Variants in FSTL5 observed in about 807,000 individuals in gnomAD.
FSTL5 encodes follistatin-related protein 5.
Under a neutral mutation model 89.1 loss-of-function variants are expected in FSTL5, and 62 were observed. The observed-to-expected ratio is 0.70, with a 90% CI of 0.57 to 0.86. The LOEUF is 0.86. Among genes scored for constraint, FSTL5 ranks in the 40% least tolerant of loss-of-function variants. The pLI is 0.00. For synonymous variants in FSTL5, 383 were observed against 346.2 expected (o/e 1.11, Z -1.18); for missense variants, 1,057 against 1,001.6 (o/e 1.06, Z -0.75).
At chr4:161,983,949 A>G (rs1735894771) in intron 3 of FSTL5, among the ~76,000 whole-genome samples, 1 of 152,102 alleles carries the variant, frequency 6.6e-6, no homozygotes, top group African/African-American at 2.4e-5. Context: ...GAAATACACA[A>G]TATCGGTAAA....
At chr4:162,101,291 A>T (rs1470513364) in intron 2 of FSTL5, among the ~76,000 whole-genome samples, 1 of 152,248 alleles carries the variant, frequency 6.6e-6, no homozygotes, top group Non-Finnish European at 1.5e-5. Flanking sequence ...CTTCAACAGC[A>T]GTCAGGGTAA....
rs139817983 is a variant in FSTL5, at chr4:161,997,847, G to A, written c.160+35778C>T. Among the ~76,000 whole-genome samples, 435 of 151,830 alleles carry A rather than the reference G, an allele frequency of 2.9e-3. 4 individuals carry two copies. In the East Asian group the frequency reaches 0.032, roughly 11 times the overall value. On this transcript the variant is annotated intron_variant, in intron 3 of 15. Transcript: ENST00000306100. ...TCTCGATCTCCTGACCTCGTGATCC[G>A]CCCACCTCGGCCTCCCAAAGTGCTG...
At chr4:161,646,929 T>C (rs1578993042) in intron 7 of FSTL5, among the ~76,000 whole-genome samples, 1 of 152,158 alleles carries the variant, frequency 6.6e-6, no homozygotes, top group East Asian at 1.9e-4. Context: ...AGTTTGCAAA[T>C]ATTTTCTCTA....
chr4:161,986,943 G>A (rs1190859102), intron 3 of FSTL5, among the ~76,000 whole-genome samples: 1 of 152,106 alleles, frequency 6.6e-6, no homozygotes, highest in Non-Finnish European at 1.5e-5. Context: ...CTAAAAGTAT[G>A]GTATTCAAAA....
At chr4:161,882,085 T>G (rs1411165545) in intron 4 of FSTL5, among the ~76,000 whole-genome samples, 1 of 152,096 alleles carries the variant, frequency 6.6e-6, no homozygotes, top group Non-Finnish European at 1.5e-5. Flanking sequence ...ATAATAACTT[T>G]GCAAATGATC....
chr4:161,920,691 T>C (rs1185742039), intron 3 of FSTL5, 39 bp from the exon 4 acceptor site: 1 of 1,559,258 alleles, frequency 6.4e-7, no homozygotes, highest in African/African-American at 1.4e-5. Context: ...GTTTGGTTCA[T>C]TTGTCCAAAT....
intron 13 of FSTL5, among the ~76,000 whole-genome samples, chr4:161,478,378 T>C (rs758297686): frequency 6.6e-5 from 10 of 152,148 alleles, no homozygotes; most frequent in Non-Finnish European, 4.4e-5. Flanking sequence ...AACCAATCAA[T>C]ACATCACCTT....
At chr4:161,689,435 T>C (rs1737854972) in intron 6 of FSTL5, among the ~76,000 whole-genome samples, 2 of 152,118 alleles carry the variant, frequency 1.3e-5, no homozygotes, top group Non-Finnish European at 2.9e-5. Context: ...CTTAACTTTA[T>C]AGACAATATA....
chr4:162,043,884 G>T (rs1323319409), intron 2 of FSTL5, among the ~76,000 whole-genome samples: 1 of 152,116 alleles, frequency 6.6e-6, no homozygotes, highest in Non-Finnish European at 1.5e-5. Flanking sequence ...TAAGATTGTG[G>T]CAATTTAGTC....
chr4:162,089,648 AAAG>A (rs1308116620), intron 2 of FSTL5, among the ~76,000 whole-genome samples: 30,751 of 121,694 alleles, frequency 0.25, 4,790 homozygotes, highest in Non-Finnish European at 0.36. Context: ...AAAAAAAAAA[AAAG>A]AAAAAAAAGA....
intron 3 of FSTL5, among the ~76,000 whole-genome samples, chr4:161,925,158 T>C (rs1196849203): frequency 6.6e-6 from 1 of 151,890 alleles, no homozygotes; most frequent in African/African-American, 2.4e-5. Flanking sequence ...GCAGTTCTAA[T>C]GAAAGCTAAT....
At chr4:162,140,253 C>G (rs1312538539) in intron 1 of FSTL5, among the ~76,000 whole-genome samples, 1 of 152,068 alleles carries the variant, frequency 6.6e-6, no homozygotes, top group Non-Finnish European at 1.5e-5. Flanking sequence ...ACCTACTTTG[C>G]AATTCTACTC....
rs1198301646 is a variant in FSTL5, at chr4:161,429,492, G to A, written c.1841+25512C>T. The stretch of plus-strand genomic sequence containing the variant: ...ACTGGGGTGTTTGTATCACCCCTCC[G>A]CCAGCTCCATTGAGTTCAGCACAGA... On this transcript the variant is annotated intron_variant, in intron 15 of 15. Coordinates refer to ENST00000306100, the MANE Select transcript of FSTL5 (RefSeq NM_020116.5). Among the ~76,000 whole-genome samples, 8 of 152,100 alleles carry A rather than the reference G, an allele frequency of 5.3e-5. No homozygotes were observed. In the East Asian group the frequency reaches 9.7e-4, roughly 18 times the overall value.
chr4:161,563,635 G>C (rs995834529), intron 8 of FSTL5, among the ~76,000 whole-genome samples: 5 of 151,830 alleles, frequency 3.3e-5, no homozygotes, highest in African/African-American at 9.7e-5. Flanking sequence ...ATATGTCCCT[G>C]CAACAAATAA....
At chr4:161,766,162 C>T (rs957972916) in intron 5 of FSTL5, among the ~76,000 whole-genome samples, 1 of 152,122 alleles carries the variant, frequency 6.6e-6, no homozygotes, top group African/African-American at 2.4e-5. Flanking sequence ...AAACCTAAAT[C>T]AATATACTCA....
chr4:161,771,596 C>T (rs781337728), intron 5 of FSTL5, among the ~76,000 whole-genome samples: 15 of 152,074 alleles, frequency 9.9e-5, no homozygotes, highest in Non-Finnish European at 1.8e-4. Context: ...TACTCCTTTG[C>T]TACTTGAAAT....
At position 162,111,313 on chromosome 4, in the gene FSTL5, A is replaced by G. The variant is rs777162582; in HGVS notation, c.84T>C (p.Tyr28=). The G allele has an allele frequency of 1.2e-6, 2 of 1,612,414 alleles. No individual in the cohort carries two copies. ...TTAGAGGCTGATAGGATTTAAGGCC[A>G]TATCCTCCTTCTTTGGTTGGCCTTC... is the stretch of plus-strand genomic sequence containing the variant. ...SEGRPTKEGG[Y]GLKSYQPLMR... Residue 28 remains tyrosine (Y), a synonymous_variant, in exon 2 of 16, where the codon TAT becomes TAC. Transcript: ENST00000306100.
chr4:161,476,182 T>G (rs1481227192), intron 13 of FSTL5, among the ~76,000 whole-genome samples: 5 of 103,754 alleles, frequency 4.8e-5, no homozygotes, highest in South Asian at 3.7e-4. Flanking sequence ...GGTTTTTTTT[T>G]TTTTTTGTTT....
intron 4 of FSTL5, among the ~76,000 whole-genome samples, chr4:161,810,345 G>C (rs941963348): frequency 1.3e-5 from 2 of 151,992 alleles, no homozygotes; most frequent in African/African-American, 4.8e-5. Context: ...AAGTTTTAAG[G>C]TCAGTGATGA....
Sources: allele counts gnomAD v4.1 joint callset (sites outside exome capture counted in the v4.1 genomes callset), GRCh38; gene constraint gnomAD v4.1.1; transcripts MANE v1.5; gene names NCBI Gene and HGNC (gene_info 2026-07-23, HGNC 2026-07-21).